RHBDD1: variants seen among roughly 807,000 people sequenced by gnomAD.
The protein encoded by RHBDD1 is rhomboid domain containing 1.
A neutral mutation model predicts 36.3 loss-of-function variants in RHBDD1; 38 were observed. The observed-to-expected ratio is 1.05, with a 90% CI of 0.81 to 1.37. The LOEUF is 1.37. Among genes scored for constraint, RHBDD1 ranks in the 40% most tolerant of loss-of-function variants. RHBDD1 has a pLI of 0.00. For missense variants in RHBDD1, 393 were observed against 377.6 expected (o/e 1.04, Z -0.34); for synonymous variants, 151 against 136.5 (o/e 1.11, Z -0.74).
chr2:226,876,677 C>A (rs530145791), intron 5 of RHBDD1, among the ~76,000 whole-genome samples: 1 of 151,872 alleles, frequency 6.6e-6, no homozygotes, highest in South Asian at 2.1e-4. Flanking sequence ...ATCATAAAAC[C>A]CATTTAGACT....
At chr2:226,906,378 A>C (rs570049217) in intron 5 of RHBDD1, among the ~76,000 whole-genome samples, 50 of 152,300 alleles carry the variant, frequency 3.3e-4, no homozygotes, top group South Asian at 1.7e-3. Context: ...CCCTGCCATA[A>C]CACAGATAGA....
intron 5 of RHBDD1, among the ~76,000 whole-genome samples, chr2:226,894,811 TG>T (rs1946967069): frequency 6.6e-6 from 1 of 152,120 alleles, no homozygotes; most frequent in Non-Finnish European, 1.5e-5. Context: ...GACAAATCAA[TG>T]GACAGGGAAA....
intron 3 of RHBDD1, among the ~76,000 whole-genome samples, chr2:226,857,385 A>T (rs4675105): frequency 2.6e-5 from 4 of 151,980 alleles, no homozygotes; most frequent in African/African-American, 9.7e-5. Flanking sequence ...ACAGTTACTC[A>T]GAAAGTTAAA....
chr2:226,814,763 G>A, the RHBDD1 span, among the ~76,000 whole-genome samples: 1 of 152,212 alleles, frequency 6.6e-6, no homozygotes, highest in Non-Finnish European at 1.5e-5. Flanking sequence ...AGGCTAGTGA[G>A]ACATCTAATC....
chr2:226,879,696 A>G (rs375412483), intron 5 of RHBDD1, among the ~76,000 whole-genome samples: 33 of 152,354 alleles, frequency 2.2e-4, no homozygotes, highest in African/African-American at 7.2e-4. Context: ...ACAGCTTGGT[A>G]GAAAATAAAA....
the RHBDD1 span, among the ~76,000 whole-genome samples, chr2:226,809,262 A>C: frequency 6.6e-6 from 1 of 152,238 alleles, no homozygotes; most frequent in Non-Finnish European, 1.5e-5. Context: ...GAGAGTGAAC[A>C]ACTGAGTCAA....
At chr2:226,975,081 C>G (rs948126437) in intron 8 of RHBDD1, among the ~76,000 whole-genome samples, 2 of 152,190 alleles carry the variant, frequency 1.3e-5, no homozygotes, top group African/African-American at 4.8e-5. Flanking sequence ...CCAGCTCCTC[C>G]TTCCATTTAG....
At chr2:226,944,744 A>C (rs1450792809) in intron 8 of RHBDD1, among the ~76,000 whole-genome samples, 1 of 152,204 alleles carries the variant, frequency 6.6e-6, no homozygotes, top group Admixed American at 6.5e-5. Context: ...TTGACAGAAT[A>C]CTTAGGTAGT....
intron 8 of RHBDD1, among the ~76,000 whole-genome samples, chr2:226,970,947 G>A (rs569858042): frequency 1.3e-5 from 2 of 152,204 alleles, no homozygotes; most frequent in South Asian, 4.2e-4. Context: ...TAAAACATAC[G>A]CAATCTCCTA....
At chr2:226,899,168 G>T (rs895994652) in intron 5 of RHBDD1, among the ~76,000 whole-genome samples, 6 of 152,170 alleles carry the variant, frequency 3.9e-5, no homozygotes, top group Admixed American at 3.3e-4. Flanking sequence ...TTAACTCAGC[G>T]TTACAATAGC....
At chr2:226,987,713 G>C (rs1288836863) in intron 8 of RHBDD1, among the ~76,000 whole-genome samples, 2 of 152,352 alleles carry the variant, frequency 1.3e-5, no homozygotes, top group East Asian at 3.9e-4. Flanking sequence ...GTGGACCCCA[G>C]ATATGAACCC....
intron 7 of RHBDD1, among the ~76,000 whole-genome samples, chr2:226,909,701 A>C (rs922853126): frequency 2.8e-4 from 42 of 152,252 alleles, no homozygotes; most frequent in African/African-American, 9.9e-4. Context: ...TGAGGATACA[A>C]GAAGTCAGCA....
the RHBDD1 span, among the ~76,000 whole-genome samples, chr2:226,820,644 C>CAAAAAAAAAA: frequency 4.7e-5 from 3 of 63,512 alleles, no homozygotes; most frequent in Non-Finnish European, 7.7e-5. Context: ...TCCATCTCCA[C>CAAAAAAAAAA]AAAAAAAAAA....
chr2:226,916,067 A>G (rs1256476395), intron 8 of RHBDD1, among the ~76,000 whole-genome samples: 1 of 152,174 alleles, frequency 6.6e-6, no homozygotes, highest in African/African-American at 2.4e-5. Flanking sequence ...GGGCTTATTC[A>G]CCAGGCCACA....
In RHBDD1 at chr2:226,995,675, G is replaced by T; in HGVS notation, c.*153G>T. 1.6e-6 allele frequency: 1 copy of T among 627,354 alleles called. No individual in the cohort carries two copies. Among genetic ancestry groups the T allele is most frequent in the Non-Finnish European group, 2.9e-6 (1 of 348,820 alleles). 38.9% of individuals were successfully genotyped at this position (627,354 alleles called of 1,614,324 possible). On this transcript the variant is annotated 3_prime_UTR_variant, in exon 9 of 9. Coordinates refer to ENST00000392062, the MANE Select transcript of RHBDD1 (RefSeq NM_001167608.3). ...TCACATCACCTGGGACAGTCCCATG[G>T]CCCCTATGAGTCAACTCACAGCTTG...
the RHBDD1 span, among the ~76,000 whole-genome samples, chr2:226,816,177 T>C: frequency 6.6e-6 from 1 of 152,202 alleles, no homozygotes; most frequent in African/African-American, 2.4e-5. Context: ...CCCCATGAAC[T>C]TCTTAACTTA....
At chr2:226,846,299 T>C (rs1942208587) in intron 3 of RHBDD1, among the ~76,000 whole-genome samples, 2 of 152,168 alleles carry the variant, frequency 1.3e-5, no homozygotes, top group African/African-American at 4.8e-5. Flanking sequence ...AAAACAACTT[T>C]TGGTAGAGAA....
chr2:226,955,743 T>C (rs969565600), intron 8 of RHBDD1, among the ~76,000 whole-genome samples: 3 of 152,218 alleles, frequency 2.0e-5, no homozygotes, highest in African/African-American at 7.2e-5. Flanking sequence ...CTTGGCCTTT[T>C]CTCTGTGCAC....
At chr2:226,866,352 G>A (rs1235797450) in intron 4 of RHBDD1, among the ~76,000 whole-genome samples, 2 of 152,166 alleles carry the variant, frequency 1.3e-5, no homozygotes, top group African/African-American at 4.8e-5. Flanking sequence ...TTACAGGCGT[G>A]AGCCACTGTG....
Sources: gnomAD v4.1 joint callset for allele counts (sites outside exome capture counted in the v4.1 genomes callset) on GRCh38, gnomAD v4.1.1 for gene constraint, MANE v1.5 for transcripts, NCBI Gene and HGNC (gene_info 2026-07-23, HGNC 2026-07-21) for gene names.